The following CSMD3 variants were observed in gnomAD, a reference collection of about 807,000 sequenced individuals.
CSMD3 encodes CUB and Sushi multiple domains 3.
In CSMD3, 177 loss-of-function variants were observed where a neutral mutation model predicts 435.2. That is an observed-to-expected ratio of 0.41 (90% CI 0.36 to 0.46). The LOEUF (loss-of-function observed/expected upper bound fraction) is 0.46. CSMD3 is among the 20% of genes least tolerant of loss of function. The probability of loss-of-function intolerance (pLI) is 0.34; values close to 1 mark genes in which losing one functional copy is unlikely to be tolerated. For missense variants in CSMD3, 4,265 were observed against 4,504.6 expected, an observed-to-expected ratio of 0.95 and a Z score of 1.52; for synonymous variants, 1,656 against 1,520.5, an observed-to-expected ratio of 1.09 and a Z score of -2.07.
At chr8:112,884,125 C>T (rs1303513168) in intron 10 of CSMD3, among the ~76,000 whole-genome samples, 2 of 151,818 alleles carry the variant, frequency 1.3e-5, no homozygotes, top group East Asian at 3.9e-4. Flanking sequence ...TAAAACAGTG[C>T]TTTAGAAGTC....
At chr8:112,676,907 G>T (rs2075781744) in intron 16 of CSMD3, among the ~76,000 whole-genome samples, 1 of 152,078 alleles carries the variant, frequency 6.6e-6, no homozygotes, top group Non-Finnish European at 1.5e-5. Context: ...GGCAAATTCA[G>T]AAGCGGGCAT....
intron 27 of CSMD3, among the ~76,000 whole-genome samples, chr8:112,546,830 A>G (rs1399324746): frequency 6.6e-6 from 1 of 152,204 alleles, no homozygotes; most frequent in East Asian, 1.9e-4. Flanking sequence ...AACAGACTCT[A>G]CAAAGGATGA....
chr8:113,394,798 TA>T (rs112829876), intron 1 of CSMD3, among the ~76,000 whole-genome samples: 30 of 150,962 alleles, frequency 2.0e-4, no homozygotes, highest in South Asian at 1.9e-3. Flanking sequence ...AAAGAAAATT[TA>T]AAAAAAAAAT....
intron 10 of CSMD3, among the ~76,000 whole-genome samples, chr8:112,864,209 AT>A (rs1287783141): frequency 2.0e-5 from 3 of 151,932 alleles, no homozygotes; most frequent in African/African-American, 4.8e-5. Flanking sequence ...TCATATAAAA[AT>A]GTATAGGTTT....
intron 35 of CSMD3, among the ~76,000 whole-genome samples, chr8:112,403,326 A>C (rs752465313): frequency 2.2e-4 from 33 of 152,244 alleles, no homozygotes; most frequent in Non-Finnish European, 4.1e-4. Flanking sequence ...TTTCAGACTC[A>C]GTTTATTCAT....
intron 13 of CSMD3, among the ~76,000 whole-genome samples, chr8:112,779,848 A>T (rs2078338856): frequency 6.6e-6 from 1 of 152,084 alleles, no homozygotes; most frequent in African/African-American, 2.4e-5. Flanking sequence ...AAGAACTCTG[A>T]TCTCCTCTGC....
chr8:113,088,702 G>T (rs1420173318), intron 5 of CSMD3, among the ~76,000 whole-genome samples: 3 of 119,854 alleles, frequency 2.5e-5, no homozygotes, highest in African/African-American at 9.6e-5. Flanking sequence ...ACACTCTGGG[G>T]ACTGCTGTGG....
At chr8:112,268,621 T>C (rs1817181397) in intron 59 of CSMD3, among the ~76,000 whole-genome samples, 1 of 152,190 alleles carries the variant, frequency 6.6e-6, no homozygotes, top group Non-Finnish European at 1.5e-5. Flanking sequence ...CCATGCAATA[T>C]AATTTATGCA....
intron 11 of CSMD3, among the ~76,000 whole-genome samples, chr8:112,846,957 T>C (rs1316838126): frequency 6.6e-6 from 1 of 152,068 alleles, no homozygotes; most frequent in South Asian, 2.1e-4. Context: ...GTTCTATAAA[T>C]AGTGACCAGA....
chr8:112,659,333 C>T (rs1302576387), intron 17 of CSMD3, among the ~76,000 whole-genome samples: 2 of 151,978 alleles, frequency 1.3e-5, no homozygotes, highest in Non-Finnish European at 2.9e-5. Context: ...TCATGAATTG[C>T]CTCAGTCTCA....
chr8:113,240,742 C>G (rs796068767), intron 3 of CSMD3, among the ~76,000 whole-genome samples: 14 of 152,218 alleles, frequency 9.2e-5, no homozygotes, highest in African/African-American at 2.9e-4. Context: ...AACAGGTAAT[C>G]TGATGAGGTA....
chr8:112,336,931 C>T, intron 43 of CSMD3, 102 bp from the exon 44 acceptor site: 2 of 965,296 alleles, frequency 2.1e-6, no homozygotes, highest in East Asian at 2.6e-5. Context: ...TTATGAAACA[C>T]ATTTATGCCT....
chr8:113,110,384 C>T (rs955713952), intron 4 of CSMD3, among the ~76,000 whole-genome samples: 6 of 152,170 alleles, frequency 3.9e-5, no homozygotes, highest in Non-Finnish European at 8.8e-5. Flanking sequence ...TTAGAAATTT[C>T]TCCATGCAAA....
intron 32 of CSMD3, among the ~76,000 whole-genome samples, chr8:112,452,512 T>G (rs1816397946): frequency 6.6e-6 from 1 of 152,222 alleles, no homozygotes; most frequent in Admixed American, 6.5e-5. Flanking sequence ...CTTTAAAATT[T>G]CTTTTAAAAA....
At chr8:112,522,542 C>A (rs1174317482) in intron 27 of CSMD3, among the ~76,000 whole-genome samples, 4 of 151,692 alleles carry the variant, frequency 2.6e-5, no homozygotes, top group Non-Finnish European at 3.0e-5. Flanking sequence ...AAGAGAACTT[C>A]TTATTATAGT....
intron 10 of CSMD3, among the ~76,000 whole-genome samples, chr8:112,874,121 T>C (rs191987172): frequency 1.2e-4 from 19 of 152,290 alleles, no homozygotes; most frequent in East Asian, 3.9e-4. Flanking sequence ...TTTGTTTTCA[T>C]TGGTTTCAAA....
At chr8:112,965,917 A>G (rs1387115980) in intron 7 of CSMD3, among the ~76,000 whole-genome samples, 1 of 151,924 alleles carries the variant, frequency 6.6e-6, no homozygotes, top group Non-Finnish European at 1.5e-5. Flanking sequence ...TATTCAATAA[A>G]TATGTATTTA....
rs80227297 is a variant in CSMD3 at position 112,415,689 on chromosome 8, C to T, written c.5396-6657G>A. On this transcript the variant is annotated intron_variant, in intron 32 of 70. Transcript: ENST00000297405. ...GAAAGCAGCCAGGATGGGGGTTTTA[C>T]CCTGCAATGCCACAGAGGTGGAGTT... is the stretch of plus-strand genomic sequence containing the variant. 6.6e-4 allele frequency among the ~76,000 whole-genome samples: 101 copies of T among 152,284 alleles called. No homozygotes were observed. The East Asian group carries it at 0.017, about 25-fold the overall frequency.
intron 2 of CSMD3, among the ~76,000 whole-genome samples, chr8:113,279,824 T>C (rs954276654): frequency 1.3e-5 from 2 of 151,836 alleles, no homozygotes; most frequent in African/African-American, 4.8e-5. Context: ...GACTTCATTT[T>C]GTAATTTCAT....
Sources: gnomAD v4.1 joint callset for allele counts (sites outside exome capture counted in the v4.1 genomes callset) on GRCh38, gnomAD v4.1.1 for gene constraint, MANE v1.5 for transcripts, NCBI Gene and HGNC (gene_info 2026-07-23, HGNC 2026-07-21) for gene names.